Variants in AK5 observed in about 807,000 individuals in gnomAD.
The protein encoded by AK5 is adenylate kinase isoenzyme 5.
AK5 carries 27 observed loss-of-function variants against 69.5 expected under a neutral mutation model. The observed-to-expected ratio is 0.39, with a 90% CI of 0.29 to 0.54. AK5 has a LOEUF of 0.54. Ranked by LOEUF, AK5 falls within the 20% of genes least tolerant of loss-of-function variation. The pLI is 0.71. For synonymous variants in AK5, 260 were observed against 244.4 expected (o/e 1.06, Z -0.60); for missense variants, 531 against 700.4 (o/e 0.76, Z 2.73).
intron 10 of AK5, among the ~76,000 whole-genome samples, chr1:77,501,892 A>G (rs1047982172): frequency 1.3e-5 from 2 of 152,170 alleles, no homozygotes; most frequent in Admixed American, 1.3e-4. Context: ...GACTGTGCCT[A>G]TTTCACTCAC....
At chr1:77,314,659 C>T (rs1478413359) in intron 5 of AK5, 1 of 152,052 alleles carries the variant, frequency 6.6e-6, no homozygotes, top group Non-Finnish European at 1.5e-5. Context: ...CAATATCCTC[C>T]ATCCTCCTTT....
At chr1:77,381,466 T>TATGTACAAGACAC (rs11275907) in intron 6 of AK5, among the ~76,000 whole-genome samples, 3 of 151,940 alleles carry the variant, frequency 2.0e-5, no homozygotes, top group Admixed American at 2.0e-4. Flanking sequence ...ACAGGCCAGC[T>TATGTACAAGACAC]ATGTACAAGA....
chr1:77,408,244 T>C (rs1462146975), intron 6 of AK5, among the ~76,000 whole-genome samples: 1 of 152,196 alleles, frequency 6.6e-6, no homozygotes, highest in African/African-American at 2.4e-5. Flanking sequence ...TAATTTGTAT[T>C]CCCACCAATA....
Position 77,291,624 on chromosome 1 carries a change from A to G in AK5, c.248-2169A>G, listed in dbSNP as rs141805114. ...CCATTTTATCTTCTGAGTTTTCTCT[A>G]TGGGAAACTATTTCAGTAAGATGTT... On this transcript the variant is annotated intron_variant, in intron 2 of 13. Transcript: ENST00000354567. Among the ~76,000 whole-genome samples, 95 of 152,236 alleles carry G rather than the reference A, an allele frequency of 6.2e-4. 1 individual carries two copies. Among genetic ancestry groups the G allele is most frequent in the African/African-American group, 2.3e-3 (95 of 41,534 alleles).
intron 2 of AK5, among the ~76,000 whole-genome samples, 184 bp downstream of exon 2, chr1:77,287,311 T>A (rs1167204): frequency 1.3e-5 from 2 of 152,238 alleles, no homozygotes; most frequent in Non-Finnish European, 2.9e-5. Context: ...AACAAAATTA[T>A]CTACCATTGT....
intron 10 of AK5, among the ~76,000 whole-genome samples, chr1:77,501,996 C>T (rs1160429552): frequency 6.6e-6 from 1 of 152,188 alleles, no homozygotes; most frequent in African/African-American, 2.4e-5. Context: ...ACATCACTGA[C>T]AGATAACTAT....
At chr1:77,538,655 AAAAAAAAAAATT>A (rs1659113558) in intron 13 of AK5, among the ~76,000 whole-genome samples, 3 of 140,798 alleles carry the variant, frequency 2.1e-5, no homozygotes, top group African/African-American at 8.4e-5. Flanking sequence ...CTCAAAAAAT[AAAAAAAAAAATT>A]AAAAAAAAGA....
At chr1:77,315,118 G>A (rs1426906254) in intron 5 of AK5, 2 of 151,860 alleles carry the variant, frequency 1.3e-5, no homozygotes, top group African/African-American at 2.4e-5. Flanking sequence ...AACACATTTA[G>A]GTAGCTGAAT....
intron 8 of AK5, among the ~76,000 whole-genome samples, chr1:77,460,434 G>C (rs1653762367): frequency 6.6e-6 from 1 of 152,128 alleles, no homozygotes; most frequent in African/African-American, 2.4e-5. Context: ...ACATACATTT[G>C]TTTGTTCATA....
intron 5 of AK5, among the ~76,000 whole-genome samples, chr1:77,298,692 C>T (rs1425849933): frequency 6.6e-6 from 1 of 151,026 alleles, no homozygotes; most frequent in Non-Finnish European, 1.5e-5. Flanking sequence ...GGTATAGTGG[C>T]GCACACCTAT....
rs1330149866 is a variant in AK5 at position 77,409,748 on chromosome 1, G to A, written c.892-1233G>A. Among the ~76,000 whole-genome samples, 4 of 152,270 alleles carry A rather than the reference G, an allele frequency of 2.6e-5. No individual in the cohort carries two copies. The South Asian group carries it at 8.3e-4, about 32-fold the overall frequency. On this transcript the variant is annotated intron_variant, in intron 6 of 13. Coordinates refer to ENST00000354567, the MANE Select transcript of AK5 (RefSeq NM_174858.3). ...GTGCAGAAGCTCTCAAGTTTAATTA[G>A]ATCCCACTTGTCAATTTTTGCTGTT... is the stretch of plus-strand genomic sequence containing the variant.
At chr1:77,494,140 A>C (rs751810737) in intron 10 of AK5, among the ~76,000 whole-genome samples, 11 of 152,220 alleles carry the variant, frequency 7.2e-5, no homozygotes, top group Non-Finnish European at 1.0e-4. Context: ...CAGTAAAGGG[A>C]ATGGAGGCCT....
intron 6 of AK5, among the ~76,000 whole-genome samples, chr1:77,366,895 G>C (rs1344066182): frequency 8.6e-6 from 1 of 116,266 alleles, no homozygotes; most frequent in Non-Finnish European, 1.8e-5. Flanking sequence ...AGAAGACTTA[G>C]TATTTTTTCC....
intron 8 of AK5, among the ~76,000 whole-genome samples, chr1:77,466,060 C>T (rs1434901858): frequency 6.6e-6 from 1 of 152,116 alleles, no homozygotes; most frequent in East Asian, 1.9e-4. Context: ...GGATAAAACC[C>T]GACTCCCTCA....
intron 6 of AK5, among the ~76,000 whole-genome samples, chr1:77,362,564 A>C (rs1448178972): frequency 1.3e-5 from 2 of 152,238 alleles, no homozygotes; most frequent in African/African-American, 4.8e-5. Context: ...ATTAAGACTC[A>C]TAAAGTTACA....
intron 8 of AK5, among the ~76,000 whole-genome samples, chr1:77,449,533 G>A (rs1290699904): frequency 6.6e-6 from 1 of 152,194 alleles, no homozygotes; most frequent in Non-Finnish European, 1.5e-5. Flanking sequence ...TGTCTCAGAT[G>A]AGACTTTGGA....
chr1:77,302,800 A>G (rs756042389), intron 5 of AK5, among the ~76,000 whole-genome samples: 3 of 152,212 alleles, frequency 2.0e-5, no homozygotes, highest in Non-Finnish European at 4.4e-5. Context: ...AACGCAGCAA[A>G]GAGCAGTCAG....
In AK5 at chr1:77,367,579, A is replaced by ATGTTATATATATGTT. The variant is rs71075732; in HGVS notation, c.891+27011_891+27012insTGTTATATATATGTT. 1.1e-4 allele frequency among the ~76,000 whole-genome samples: 6 copies of ATGTTATATATATGTT among 53,396 alleles called. 2 individuals carry two copies. The East Asian group carries it at 1.5e-3, about 13-fold the overall frequency. 35.0% of individuals were successfully genotyped at this position (53,396 alleles called of 152,430 possible). ...TTTTTATATATATATATATATATAT[A>ATGTTATATATATGTT]ATATATATGTTATATATGTAATATA... is the stretch of plus-strand genomic sequence containing the variant. On this transcript the variant is annotated intron_variant, in intron 6 of 13. Transcript: ENST00000354567.
At chr1:77,421,078 T>C (rs993953945) in intron 8 of AK5, among the ~76,000 whole-genome samples, 2 of 152,210 alleles carry the variant, frequency 1.3e-5, no homozygotes, top group Non-Finnish European at 2.9e-5. Flanking sequence ...TGAAAGGCCA[T>C]ATAAAAATAG....
Sources: gnomAD v4.1 joint callset for allele counts (sites outside exome capture counted in the v4.1 genomes callset) on GRCh38, gnomAD v4.1.1 for gene constraint, MANE v1.5 for transcripts, NCBI Gene and HGNC (gene_info 2026-07-23, HGNC 2026-07-21) for gene names.